Variants in PTPRN2 observed in about 807,000 individuals in gnomAD.
PTPRN2 encodes the protein protein tyrosine phosphatase receptor type N2.
In PTPRN2, 74 loss-of-function variants were observed where a neutral mutation model predicts 118.8. That is an observed-to-expected ratio of 0.62 (90% CI 0.52 to 0.76). PTPRN2 has a LOEUF of 0.76. Ranked by LOEUF, PTPRN2 falls within the 30% of genes least tolerant of loss-of-function variation. The pLI, the probability that PTPRN2 is intolerant of heterozygous loss-of-function variation, is 0.00. For synonymous variants in PTPRN2, 641 were observed against 608.0 expected (o/e 1.05, Z -0.80); for missense variants, 1,481 against 1,394.4 (o/e 1.06, Z -0.99).
At chr7:157,570,393 C>T (rs1265319270) in intron 20 of PTPRN2, among the ~76,000 whole-genome samples, 1 of 152,264 alleles carries the variant, frequency 6.6e-6, no homozygotes, top group African/African-American at 2.4e-5. Context: ...ATCCTCCTCT[C>T]TCATAGACAG....
At chr7:158,137,988 C>G (rs903492182) in intron 7 of PTPRN2, among the ~76,000 whole-genome samples, 3 of 152,160 alleles carry the variant, frequency 2.0e-5, no homozygotes, top group Non-Finnish European at 4.4e-5. Context: ...CAATATTCAC[C>G]GGTACACAGT....
intron 12 of PTPRN2, among the ~76,000 whole-genome samples, chr7:157,714,772 C>T (rs1798816946): frequency 6.6e-6 from 1 of 152,108 alleles, no homozygotes; most frequent in Admixed American, 6.5e-5. Flanking sequence ...GGCGCCCAGT[C>T]CGACATGCTT....
intron 12 of PTPRN2, among the ~76,000 whole-genome samples, chr7:157,827,776 T>C (rs1807284101): frequency 6.6e-6 from 1 of 152,226 alleles, no homozygotes; most frequent in Non-Finnish European, 1.5e-5. Context: ...ATGTGGCCCC[T>C]GAGCTGCCGG....
At chr7:158,545,484 T>C (rs1176391732) in intron 1 of PTPRN2, among the ~76,000 whole-genome samples, 2 of 152,194 alleles carry the variant, frequency 1.3e-5, no homozygotes, top group Non-Finnish European at 2.9e-5. Flanking sequence ...AGGATGGATG[T>C]GGGTCACTTT....
At chr7:158,515,219 T>G (rs1440770592) in intron 1 of PTPRN2, among the ~76,000 whole-genome samples, 2 of 149,204 alleles carry the variant, frequency 1.3e-5, no homozygotes, top group African/African-American at 4.9e-5. Flanking sequence ...AGTGTTTCCC[T>G]CTTGTTGCCC....
intron 3 of PTPRN2, among the ~76,000 whole-genome samples, chr7:158,310,418 G>C (rs1015965696): frequency 5.9e-5 from 9 of 152,250 alleles, no homozygotes; most frequent in Non-Finnish European, 8.8e-5. Context: ...TCGGACGGTG[G>C]AGAAGAGGCT....
Position 158,303,182 on chromosome 7 carries a change from A to AAAACAAAACAAAAC in PTPRN2, c.277+13636_277+13637insGTTTTGTTTTGTTT, listed in dbSNP as rs1274915635. Among the ~76,000 whole-genome samples the AAAACAAAACAAAAC allele has an allele frequency of 3.3e-5, 5 of 151,786 alleles. 1 individual carries two copies. The South Asian group carries it at 1.0e-3, about 31-fold the overall frequency. On this transcript the variant is annotated intron_variant, in intron 3 of 22. Transcript: ENST00000389418. ...CACTAACCCACCAAAAAAAAAAAAA[A>AAAACAAAACAAAAC]AAATTCTTTGGAGTCTTCAGTAATT... is the stretch of plus-strand genomic sequence containing the variant.
chr7:157,614,046 G>A, intron 15 of PTPRN2: 1 of 471,410 alleles, frequency 2.1e-6, no homozygotes, highest in Non-Finnish European at 4.4e-6. Context: ...GGAAAGCATC[G>A]TTCTGCAGCA....
chr7:158,495,963 G>A (rs1165026437), intron 1 of PTPRN2, among the ~76,000 whole-genome samples: 1 of 152,052 alleles, frequency 6.6e-6, no homozygotes, highest in Admixed American at 6.5e-5. Context: ...ACAAGAGGGA[G>A]GCAGCCCTGG....
intron 12 of PTPRN2, among the ~76,000 whole-genome samples, chr7:157,841,615 C>A (rs570787264): frequency 1.3e-5 from 2 of 152,316 alleles, no homozygotes; most frequent in South Asian, 4.1e-4. Context: ...CCTGGAAGGG[C>A]CCCCACCACG....
intron 11 of PTPRN2, among the ~76,000 whole-genome samples, chr7:157,955,145 A>G (rs1433779365): frequency 6.6e-6 from 1 of 152,136 alleles, no homozygotes; most frequent in Non-Finnish European, 1.5e-5. Context: ...AGCACACACG[A>G]ATGCTGGATT....
intron 2 of PTPRN2, among the ~76,000 whole-genome samples, chr7:158,418,485 C>T (rs1448212521): frequency 1.0e-5 from 1 of 98,910 alleles, no homozygotes. Context: ...ACTACATCGA[C>T]ATGCTCTAGC....
Position 157,540,648 on chromosome 7 carries a change from G to T in PTPRN2, c.*66C>A. On this transcript the variant is annotated 3_prime_UTR_variant, in exon 23 of 23. Transcript: ENST00000389418. The stretch of plus-strand genomic sequence containing the variant: ...TTATAATAGAAGACACACAATTAAA[G>T]TCAGATCATGATTCCTGACAACATC... 2 of 1,354,574 alleles carry T rather than the reference G, an allele frequency of 1.5e-6. No individual in the cohort carries two copies. The highest frequency in any genetic ancestry group is 2.1e-6 in the Non-Finnish European group (2 of 973,426). 83.9% of individuals were successfully genotyped at this position (1,354,574 alleles called of 1,614,324 possible).
At chr7:157,985,557 G>A (rs1803718511) in intron 11 of PTPRN2, among the ~76,000 whole-genome samples, 1 of 152,210 alleles carries the variant, frequency 6.6e-6, no homozygotes, top group Non-Finnish European at 1.5e-5. Context: ...CCAGTGATTA[G>A]AGATGAAAAT....
intron 13 of PTPRN2, among the ~76,000 whole-genome samples, chr7:157,677,242 C>T (rs573274892): frequency 6.6e-6 from 1 of 152,308 alleles, no homozygotes; most frequent in East Asian, 1.9e-4. Flanking sequence ...CAGAATTCAG[C>T]CCTCCACATT....
intron 22 of PTPRN2, among the ~76,000 whole-genome samples, chr7:157,541,075 C>T (rs575023472): frequency 2.0e-5 from 3 of 152,354 alleles, no homozygotes; most frequent in South Asian, 2.1e-4. Context: ...AAGCTGCCCA[C>T]AGAAGCAGCG....
At chr7:157,913,573 C>T (rs1245727006) in intron 11 of PTPRN2, among the ~76,000 whole-genome samples, 1 of 151,770 alleles carries the variant, frequency 6.6e-6, no homozygotes, top group Non-Finnish European at 1.5e-5. Context: ...ACTAGTCTTA[C>T]TTTATTCAAC....
At chr7:158,304,272 T>A (rs1052480809) in intron 3 of PTPRN2, among the ~76,000 whole-genome samples, 2 of 147,138 alleles carry the variant, frequency 1.4e-5, no homozygotes, top group African/African-American at 5.2e-5. Flanking sequence ...CACCCGTCAA[T>A]ACACTAAGAT....
chr7:157,607,517 C>T (rs1291328286), intron 15 of PTPRN2, among the ~76,000 whole-genome samples: 1 of 152,270 alleles, frequency 6.6e-6, no homozygotes, highest in Non-Finnish European at 1.5e-5. Flanking sequence ...GGGCAGGGAA[C>T]AGGCAGCGCA....
Sources: gnomAD v4.1 joint callset for allele counts (sites outside exome capture counted in the v4.1 genomes callset) on GRCh38, gnomAD v4.1.1 for gene constraint, MANE v1.5 for transcripts, NCBI Gene and HGNC (gene_info 2026-07-23, HGNC 2026-07-21) for gene names.